The following TMPRSS4 variants were observed in gnomAD, a reference collection of about 807,000 sequenced individuals.
The protein encoded by TMPRSS4 is transmembrane serine protease 4.
Under a neutral mutation model 56.4 loss-of-function variants are expected in TMPRSS4, and 45 were observed. The observed-to-expected ratio is 0.80, with a 90% CI of 0.63 to 1.02. The LOEUF (loss-of-function observed/expected upper bound fraction) is 1.02. Among genes scored for constraint, TMPRSS4 ranks in the 50% least tolerant of loss-of-function variants. The pLI, the probability that TMPRSS4 is intolerant of heterozygous loss-of-function variation, is 0.00. For synonymous variants in TMPRSS4, 205 were observed against 211.0 expected (o/e 0.97, Z 0.25); for missense variants, 546 against 556.7 (o/e 0.98, Z 0.19).
chr11:118,081,521 C>A (rs989173705), intron 1 of TMPRSS4, among the ~76,000 whole-genome samples: 1 of 152,234 alleles, frequency 6.6e-6, no homozygotes, highest in Non-Finnish European at 1.5e-5. Context: ...AATCCACGTG[C>A]AACCAGAAAC....
At chr11:118,082,199 C>T (rs1029106811) in intron 1 of TMPRSS4, among the ~76,000 whole-genome samples, 1 of 152,212 alleles carries the variant, frequency 6.6e-6, no homozygotes, top group African/African-American at 2.4e-5. Context: ...AGCACTTTCA[C>T]ATCCAAAATC....
intron 2 of TMPRSS4, among the ~76,000 whole-genome samples, chr11:118,097,411 A>T (rs1280496728): frequency 6.6e-6 from 1 of 152,186 alleles, no homozygotes; most frequent in Non-Finnish European, 1.5e-5. Context: ...CAGTGAAGAA[A>T]GACTGGGAGG....
rs969282019 is a variant in TMPRSS4, at chr11:118,119,259, A to T, written c.*1346A>T. Reference sequence around the variant, plus strand: ...AGACCTATATGAAGGCTGGCAGTGGAGCTAAACCTGGACACACTGAAGACA... The same window carrying T: ...AGACCTATATGAAGGCTGGCAGTGGTGCTAAACCTGGACACACTGAAGACA... On this transcript the variant is annotated 3_prime_UTR_variant, in exon 13 of 13. Transcript: ENST00000437212. 10 of 985,406 alleles carry T rather than the reference A, an allele frequency of 1.0e-5. No homozygotes were observed. Among genetic ancestry groups the T allele is most frequent in the Non-Finnish European group, 1.2e-5 (10 of 829,918 alleles). 61.0% of individuals were successfully genotyped at this position (985,406 alleles called of 1,614,324 possible). A position where few individuals can be genotyped will look rare whatever the true frequency, so the allele number is the denominator to read the frequency against.
chr11:118,081,226 T>C (rs541235110), intron 1 of TMPRSS4, among the ~76,000 whole-genome samples: 5 of 152,302 alleles, frequency 3.3e-5, no homozygotes, highest in Non-Finnish European at 2.9e-5. Flanking sequence ...TTGGAAAACA[T>C]ACCAGATCTA....
chr11:118,079,638 AC>A (rs1479699350), intron 1 of TMPRSS4, among the ~76,000 whole-genome samples: 2 of 152,022 alleles, frequency 1.3e-5, no homozygotes, highest in Non-Finnish European at 2.9e-5. Context: ...CCTGAGGTCA[AC>A]CCCCTGACGC....
chr11:118,088,331 A>G (rs1945723900), intron 1 of TMPRSS4: 1 of 152,234 alleles, frequency 6.6e-6, no homozygotes, highest in Non-Finnish European at 1.5e-5. Context: ...AAATTATATA[A>G]TAATACTCAA....
At chr11:118,077,408 A>T in intron 1 of TMPRSS4, 103 bp downstream of exon 1, 1 of 1,371,966 alleles carries the variant, frequency 7.3e-7, no homozygotes, top group Non-Finnish European at 9.8e-7. Context: ...ATTCTGTGAC[A>T]CCTTCTAGGT....
At chr11:118,104,664 A>G in intron 4 of TMPRSS4, 27 bp from the exon 5 acceptor site, 1 of 1,614,008 alleles carries the variant, frequency 6.2e-7, no homozygotes. Flanking sequence ...CCCCCGTTCC[A>G]TCTAACTCAG....
chr11:118,079,925 C>T (rs942400199), intron 1 of TMPRSS4, among the ~76,000 whole-genome samples: 6 of 152,194 alleles, frequency 3.9e-5, no homozygotes, highest in African/African-American at 9.7e-5. Flanking sequence ...GCAAGACAGG[C>T]AAGGAGGGGC....
chr11:118,079,600 C>G (rs1944971453), intron 1 of TMPRSS4, among the ~76,000 whole-genome samples: 1 of 152,182 alleles, frequency 6.6e-6, no homozygotes, highest in Non-Finnish European at 1.5e-5. Flanking sequence ...CTAAACGCAC[C>G]CTGAGCCACC....
chr11:118,113,716 GTTTTAGGAGACC>G (rs1947403107), intron 9 of TMPRSS4, among the ~76,000 whole-genome samples: 1 of 152,148 alleles, frequency 6.6e-6, no homozygotes, highest in African/African-American at 2.4e-5. Flanking sequence ...CAATCTTGGA[GTTTTAGGAGACC>G]TTTTAAAAAG....
chr11:118,107,976 TG>T (rs1947084022), intron 6 of TMPRSS4, 101 bp downstream of exon 6: 1 of 907,178 alleles, frequency 1.1e-6, no homozygotes, highest in South Asian at 1.5e-5. Flanking sequence ...GCCAGGGGAA[TG>T]TAAGCAGACA....
chr11:118,100,753 T>A (rs546171671), intron 3 of TMPRSS4, among the ~76,000 whole-genome samples: 4 of 152,150 alleles, frequency 2.6e-5, no homozygotes, highest in African/African-American at 9.7e-5. Flanking sequence ...CCTGCCACAG[T>A]GGAGATAAAG....
At chr11:118,080,543 G>T (rs1388348397) in intron 1 of TMPRSS4, among the ~76,000 whole-genome samples, 4 of 152,134 alleles carry the variant, frequency 2.6e-5, no homozygotes, top group Non-Finnish European at 5.9e-5. Flanking sequence ...CAGGGCTCCT[G>T]CGTGACCCCA....
In TMPRSS4 at chr11:118,104,835, CCT is replaced by C; in HGVS notation, c.440+21_440+22del. 6.4e-7 allele frequency: 1 copy of C among 1,557,678 alleles called. No individual in the cohort carries two copies. Among genetic ancestry groups the C allele is most frequent in the Non-Finnish European group, 8.7e-7 (1 of 1,151,410 alleles). On this transcript the variant is annotated intron_variant, in intron 5 of 12. Transcript: ENST00000437212. ...GGCTACAGCAGGTAACCAACCTGGG[CCT>C]CTCTCCTTTTTCCCTCCTTCCTCCT... is the stretch of plus-strand genomic sequence containing the variant.
At chr11:118,113,632 A>T (rs1947397823) in intron 9 of TMPRSS4, among the ~76,000 whole-genome samples, 197 bp downstream of exon 9, 1 of 152,108 alleles carries the variant, frequency 6.6e-6, no homozygotes, top group African/African-American at 2.4e-5. Flanking sequence ...CCTCCACTCC[A>T]TTCCCTGCCA....
intron 7 of TMPRSS4, among the ~76,000 whole-genome samples, chr11:118,109,911 C>G (rs958440699): frequency 2.0e-5 from 3 of 152,190 alleles, no homozygotes; most frequent in Non-Finnish European, 4.4e-5. Context: ...AATGGTCACA[C>G]CATCTGAGGT....
In TMPRSS4 at chr11:118,117,312, G is replaced by A. The variant is rs753265495; in HGVS notation, c.1160G>A (p.Ser387Asn). 11 of 1,614,154 alleles carry A rather than the reference G, an allele frequency of 6.8e-6. No homozygotes were observed. Among genetic ancestry groups the A allele is most frequent in the Non-Finnish European group, 9.3e-6 (11 of 1,180,032 alleles). ...EGGVDTCQGD[S>N]GGPLMYQSDQ... is the part of the protein sequence containing the mutation. ...TGTTCTGGTCTCTCACAGGGTGACA[G>A]TGGTGGGCCCCTGATGTACCAATCT... The change falls in exon 12 of 13, where the codon AGT (serine) becomes AAT (asparagine). Residue 387 changes from serine to asparagine, a missense_variant. By Grantham distance (46) the Ser-to-Asn change is conservative. Coordinates refer to ENST00000437212, the MANE Select transcript of TMPRSS4 (RefSeq NM_019894.4).
At chr11:118,096,208 A>G (rs1946279232) in intron 2 of TMPRSS4, among the ~76,000 whole-genome samples, 1 of 152,250 alleles carries the variant, frequency 6.6e-6, no homozygotes, top group Non-Finnish European at 1.5e-5. Flanking sequence ...ATTGGCAAAC[A>G]TTACTGATAA....
Sources: gnomAD v4.1 joint callset for allele counts (sites outside exome capture counted in the v4.1 genomes callset) on GRCh38, gnomAD v4.1.1 for gene constraint, MANE v1.5 for transcripts, NCBI Gene and HGNC (gene_info 2026-07-23, HGNC 2026-07-21) for gene names.